Variants in AKR1C8 observed in about 807,000 individuals in gnomAD.
AKR1C8 encodes aldo-keto reductase family 1 member C-like protein 1.
chr10:5,166,343 C>A, the AKR1C8 span, among the ~76,000 whole-genome samples: 1 of 151,918 alleles, frequency 6.6e-6, no homozygotes, highest in East Asian at 1.9e-4. Context: ...AATCCTAAGC[C>A]AAAAAAACAA....
At chr10:5,150,002 G>A in the AKR1C8 span, among the ~76,000 whole-genome samples, 1 of 152,096 alleles carries the variant, frequency 6.6e-6, no homozygotes, top group Non-Finnish European at 1.5e-5. Context: ...AGAATCAGCA[G>A]TAATTTAAAC....
chr10:5,143,165 T>C, the AKR1C8 span, among the ~76,000 whole-genome samples: 3 of 152,070 alleles, frequency 2.0e-5, no homozygotes, highest in African/African-American at 7.2e-5. Context: ...ATTGCCCTAA[T>C]TCAATATGGG....
the AKR1C8 span, among the ~76,000 whole-genome samples, chr10:5,124,508 A>G: frequency 6.6e-6 from 1 of 152,172 alleles, no homozygotes; most frequent in Admixed American, 6.5e-5. Flanking sequence ...AGTCAGAATA[A>G]TAAAACTAGT....
chr10:5,168,425 G>A, the AKR1C8 span, among the ~76,000 whole-genome samples: 2 of 151,882 alleles, frequency 1.3e-5, no homozygotes, highest in Non-Finnish European at 2.9e-5. Context: ...CCAAACCCCC[G>A]AGTCCACTAC....
At chr10:5,117,160 T>G in the AKR1C8 span, among the ~76,000 whole-genome samples, 1 of 151,610 alleles carries the variant, frequency 6.6e-6, no homozygotes, top group South Asian at 2.1e-4. Flanking sequence ...GGAAAAGGGT[T>G]AAAAGGTGCT....
chr10:5,134,021 T>C, the AKR1C8 span, among the ~76,000 whole-genome samples: 1 of 152,172 alleles, frequency 6.6e-6, no homozygotes, highest in Non-Finnish European at 1.5e-5. Context: ...ATCTACCAAA[T>C]TTGGATGAAG....
the AKR1C8 span, among the ~76,000 whole-genome samples, chr10:5,136,403 C>T: frequency 8.2e-4 from 124 of 152,146 alleles, 1 homozygote; most frequent in Non-Finnish European, 1.9e-4. Context: ...CAAAAATTAG[C>T]CACGTGTGGT....
At chr10:5,126,477 G>T in the AKR1C8 span, among the ~76,000 whole-genome samples, 1 of 152,022 alleles carries the variant, frequency 6.6e-6, no homozygotes. Context: ...CCCCCTTTAC[G>T]TTGATAAGAT....
At chr10:5,147,136 T>C in the AKR1C8 span, among the ~76,000 whole-genome samples, 1 of 151,830 alleles carries the variant, frequency 6.6e-6, no homozygotes, top group East Asian at 1.9e-4. Context: ...CGTCAGATGG[T>C]GAGATAGGAA....
At chr10:5,157,118 A>G in the AKR1C8 span, among the ~76,000 whole-genome samples, 1 of 152,188 alleles carries the variant, frequency 6.6e-6, no homozygotes, top group Non-Finnish European at 1.5e-5. Context: ...GAGCCATTGT[A>G]TTTAGGTTCT....
chr10:5,120,323 C>G, the AKR1C8 span, among the ~76,000 whole-genome samples: 1 of 152,108 alleles, frequency 6.6e-6, no homozygotes, highest in Non-Finnish European at 1.5e-5. Flanking sequence ...CCCCTGATTA[C>G]CACTCCACAC....
At chr10:5,175,706 T>A in the AKR1C8 span, among the ~76,000 whole-genome samples, 1 of 152,230 alleles carries the variant, frequency 6.6e-6, no homozygotes, top group Non-Finnish European at 1.5e-5. Context: ...TGGTTTTGAT[T>A]TGCATTTCTC....
the AKR1C8 span, among the ~76,000 whole-genome samples, chr10:5,136,550 A>T: frequency 2.0e-5 from 3 of 152,176 alleles, no homozygotes; most frequent in African/African-American, 7.2e-5. Context: ...ATCCCTGATG[A>T]ATCCACACCA....
chr10:5,176,009 T>C, the AKR1C8 span, among the ~76,000 whole-genome samples: 2 of 152,040 alleles, frequency 1.3e-5, no homozygotes, highest in African/African-American at 2.4e-5. Context: ...ATTTTGTCTT[T>C]TGTTGCCATT....
At chr10:5,152,656 A>G in the AKR1C8 span, among the ~76,000 whole-genome samples, 1 of 152,140 alleles carries the variant, frequency 6.6e-6, no homozygotes, top group Admixed American at 6.5e-5. Context: ...GAAGAATGGG[A>G]CTGAGAGACA....
At chr10:5,117,904 T>C in the AKR1C8 span, among the ~76,000 whole-genome samples, 4 of 152,114 alleles carry the variant, frequency 2.6e-5, no homozygotes, top group African/African-American at 9.7e-5. Flanking sequence ...CATAATGACT[T>C]CACTAGGCCT....
the AKR1C8 span, among the ~76,000 whole-genome samples, chr10:5,121,835 C>CA: frequency 2.0e-5 from 3 of 152,044 alleles, no homozygotes; most frequent in African/African-American, 7.2e-5. Context: ...GACCCAGGCA[C>CA]AGGTAGTGAG....
chr10:5,145,128 T>A, the AKR1C8 span, among the ~76,000 whole-genome samples: 1 of 152,152 alleles, frequency 6.6e-6, no homozygotes, highest in East Asian at 1.9e-4. Flanking sequence ...ATTGAGATAA[T>A]CATGTGGTTT....
chr10:5,116,688 A>G, the AKR1C8 span, among the ~76,000 whole-genome samples: 1 of 152,184 alleles, frequency 6.6e-6, no homozygotes, highest in East Asian at 1.9e-4. Flanking sequence ...TGCAAAGTGC[A>G]CAACCAGGTG....
Sources: allele counts gnomAD v4.1 joint callset (sites outside exome capture counted in the v4.1 genomes callset), GRCh38; gene constraint gnomAD v4.1.1; transcripts MANE v1.5; gene names NCBI Gene and HGNC (gene_info 2026-07-23, HGNC 2026-07-21).